IL16: variants seen among roughly 807,000 people sequenced by gnomAD.
IL16 encodes interleukin 16, also known as pro-interleukin-16.
In IL16, 67 loss-of-function variants were observed where a neutral mutation model predicts 110.1. The ratio of observed to expected loss-of-function variants is 0.61; its 90% CI spans 0.50 to 0.75. The LOEUF (loss-of-function observed/expected upper bound fraction) is 0.75. IL16 is among the 30% of genes least tolerant of loss of function. The pLI is 0.00. For synonymous variants in IL16, 689 were observed against 662.9 expected, an observed-to-expected ratio of 1.04 and a Z score of -0.61; for missense variants, 1,545 against 1,655.0, an observed-to-expected ratio of 0.93 and a Z score of 1.15.
chr15:81,188,251 AGCCGT>A (rs1595931040), intron 1 of IL16: 2 of 444,194 alleles, frequency 4.5e-6, no homozygotes, highest in East Asian at 1.4e-4. Context: ...ATGTGCTTTC[AGCCGT>A]CTGAATCGCT....
intron 2 of IL16, among the ~76,000 whole-genome samples, chr15:81,248,711 C>A (rs1424453680): frequency 8.5e-6 from 1 of 117,206 alleles, no homozygotes; most frequent in African/African-American, 3.8e-5. Context: ...GATTTTTTTT[C>A]TTTCTTTCTT....
intron 2 of IL16, among the ~76,000 whole-genome samples, chr15:81,235,847 C>T (rs566584828): frequency 6.6e-5 from 10 of 152,282 alleles, no homozygotes; most frequent in African/African-American, 2.4e-4. Context: ...CCCAAACTTG[C>T]ATTTGTTTAT....
At chr15:81,297,885 T>C (rs1030230771) in intron 13 of IL16, among the ~76,000 whole-genome samples, 1 of 152,140 alleles carries the variant, frequency 6.6e-6, no homozygotes, top group South Asian at 2.1e-4. Context: ...ATAAAACATA[T>C]GACTGTTTGA....
At chr15:81,296,715 C>A (rs1900001938) in intron 12 of IL16, among the ~76,000 whole-genome samples, 1 of 152,164 alleles carries the variant, frequency 6.6e-6, no homozygotes, top group African/African-American at 2.4e-5. Flanking sequence ...TACCAGGTTG[C>A]TGGAAGTCAA....
At chr15:81,259,610 G>A (rs893346555) in intron 2 of IL16, among the ~76,000 whole-genome samples, 162 bp from the exon 3 acceptor site, 4 of 152,192 alleles carry the variant, frequency 2.6e-5, no homozygotes, top group African/African-American at 9.7e-5. Context: ...ATGAGTGAAA[G>A]GATGATGGTG....
intron 1 of IL16, among the ~76,000 whole-genome samples, chr15:81,223,836 G>C (rs1896698868): frequency 6.6e-6 from 1 of 152,204 alleles, no homozygotes; most frequent in Non-Finnish European, 1.5e-5. Context: ...TCAAGGCTTA[G>C]AGACCCACAG....
At chr15:81,201,971 T>A (rs1895833718) in intron 1 of IL16, among the ~76,000 whole-genome samples, 1 of 152,214 alleles carries the variant, frequency 6.6e-6, no homozygotes, top group Admixed American at 6.5e-5. Context: ...AGGCAATTCA[T>A]CAGATTTGAA....
rs753397348 is a variant in IL16, at chr15:81,273,194, G to A, written c.780G>A (p.Arg260=). 2 of 1,609,330 alleles carry A rather than the reference G, an allele frequency of 1.2e-6. No individual in the cohort carries two copies. Among genetic ancestry groups the A allele is most frequent in the Non-Finnish European group, 1.7e-6 (2 of 1,176,720 alleles). Residue 260 remains arginine, a synonymous_variant, in exon 6 of 19, where the codon AGG becomes AGA. Coordinates refer to ENST00000683961, the MANE Select transcript of IL16 (RefSeq NM_172217.5). ...FAGGAAAADG[R]LQEGDEILEL... ...GGGGAGCAGCAGCAGCCGATGGAAG[G>A]CTACAGGAAGGTAGGCTTCCCAGCC...
intron 6 of IL16, among the ~76,000 whole-genome samples, chr15:81,275,115 A>G (rs1047889131): frequency 4.0e-5 from 6 of 151,628 alleles, no homozygotes; most frequent in African/African-American, 1.5e-4. Flanking sequence ...CTAGAGAAAG[A>G]CATTGCCTTA....
chr15:81,270,896 G>A (rs1352379011), intron 5 of IL16, among the ~76,000 whole-genome samples: 3 of 152,126 alleles, frequency 2.0e-5, no homozygotes, highest in African/African-American at 7.2e-5. Flanking sequence ...AAATAAAGCA[G>A]GCTTCCCACT....
rs557620697 is a variant in IL16 at position 81,288,640 on chromosome 15, G to A, written c.1333-1813G>A. On this transcript the variant is annotated intron_variant, in intron 10 of 18. Transcript: ENST00000683961. Reference sequence around the variant, plus strand: ...ATGTTCTCCTACCAGCAAATCCTGGGAACCACCATTTTACTTTCTGTCTCT... The same window carrying A: ...ATGTTCTCCTACCAGCAAATCCTGGAAACCACCATTTTACTTTCTGTCTCT... 4.6e-5 allele frequency among the ~76,000 whole-genome samples: 7 copies of A among 152,150 alleles called. No individual in the cohort carries two copies. In the South Asian group the frequency reaches 1.2e-3, roughly 27 times the overall value.
chr15:81,216,511 G>A (rs375452839), intron 1 of IL16, among the ~76,000 whole-genome samples: 178 of 152,122 alleles, frequency 1.2e-3, no homozygotes, highest in African/African-American at 4.1e-3. Context: ...AATTATGGTG[G>A]CTTACTTGAT....
chr15:81,240,628 CT>C (rs1897309764), intron 2 of IL16, among the ~76,000 whole-genome samples: 1 of 152,122 alleles, frequency 6.6e-6, no homozygotes, highest in Admixed American at 6.5e-5. Context: ...GTATATAAAC[CT>C]TTTTTCATAT....
chr15:81,280,591 A>G (rs1211712665), intron 8 of IL16, among the ~76,000 whole-genome samples: 2 of 152,332 alleles, frequency 1.3e-5, no homozygotes, highest in Non-Finnish European at 2.9e-5. Flanking sequence ...ACTTGCAGCC[A>G]TTTGGGTCAG....
intron 6 of IL16, among the ~76,000 whole-genome samples, chr15:81,275,238 G>A (rs533616920): frequency 3.4e-3 from 509 of 151,374 alleles, no homozygotes; most frequent in African/African-American, 0.012. Flanking sequence ...AGATGGCGCT[G>A]TCCAGCAGGG....
At chr15:81,193,054 AC>A (rs1428486257), upstream of IL16, among the ~76,000 whole-genome samples, 2 of 152,216 alleles carry the variant, frequency 1.3e-5, no homozygotes, top group Non-Finnish European at 2.9e-5. Context: ...CCTATAGATG[AC>A]AAAACCAGTC....
chr15:81,200,120 G>A (rs565010333), intron 1 of IL16, among the ~76,000 whole-genome samples: 127 of 152,164 alleles, frequency 8.3e-4, no homozygotes, highest in Non-Finnish European at 1.5e-3. Flanking sequence ...ACATCAGATT[G>A]CATCAGGTTC....
intron 1 of IL16, among the ~76,000 whole-genome samples, chr15:81,189,988 C>T (rs1317478415): frequency 6.6e-6 from 1 of 152,146 alleles, no homozygotes; most frequent in Non-Finnish European, 1.5e-5. Context: ...AACTGCTTTG[C>T]ACAGCTGGGC....
intron 2 of IL16, among the ~76,000 whole-genome samples, chr15:81,247,076 CTTTTTTT>C (rs57484982): frequency 6.5e-5 from 6 of 92,638 alleles, no homozygotes; most frequent in African/African-American, 1.9e-4. Flanking sequence ...TTTTCTTTTC[CTTTTTTT>C]TTTTTTTTTT....
Sources: allele counts gnomAD v4.1 joint callset (sites outside exome capture counted in the v4.1 genomes callset), GRCh38; gene constraint gnomAD v4.1.1; transcripts MANE v1.5; gene names NCBI Gene and HGNC (gene_info 2026-07-23, HGNC 2026-07-21).